Variants in EEA1 observed in about 807,000 individuals in gnomAD.
EEA1 encodes the protein early endosome antigen 1, 162kD.
In EEA1, 111 loss-of-function variants were observed where a neutral mutation model predicts 209.2. The observed-to-expected ratio is 0.53, with a 90% CI of 0.45 to 0.62. The LOEUF (loss-of-function observed/expected upper bound fraction) is 0.62. Among genes scored for constraint, EEA1 ranks in the 20% least tolerant of loss-of-function variants. EEA1 has a pLI of 0.00. For synonymous variants in EEA1, 536 were observed against 540.6 expected, an observed-to-expected ratio of 0.99 and a Z score of 0.12; for missense variants, 1,343 against 1,530.8, an observed-to-expected ratio of 0.88 and a Z score of 2.05.
chr12:92,849,094 T>C (rs1053850292), intron 9 of EEA1, among the ~76,000 whole-genome samples: 10 of 152,224 alleles, frequency 6.6e-5, no homozygotes, highest in African/African-American at 2.4e-4. Flanking sequence ...TTAAAAAGTA[T>C]ATGCATAACT....
At chr12:92,883,729 C>A in intron 2 of EEA1, 1 of 1,101,884 alleles carries the variant, frequency 9.1e-7, no homozygotes, top group Non-Finnish European at 1.4e-6. Flanking sequence ...TGCCCGCGGA[C>A]GCCACTGAAG....
intron 17 of EEA1, among the ~76,000 whole-genome samples, chr12:92,809,932 CT>C (rs1440064253): frequency 1.3e-5 from 2 of 152,052 alleles, no homozygotes. Context: ...TCATTAACAC[CT>C]ATTGATCCTA....
In EEA1 at chr12:92,856,737, T is replaced by TA. The variant is rs796720046; in HGVS notation, c.366+537dup. On this transcript the variant is annotated intron_variant, in intron 5 of 28. Coordinates refer to ENST00000322349, the MANE Select transcript of EEA1 (RefSeq NM_003566.4). ...AACATTAGGATAATACAGCCTGGTA[T>TA]AAAAAAAAACAACATATAGATACCT... Among the ~76,000 whole-genome samples the TA allele has an allele frequency of 9.3e-3, 1,274 of 136,824 alleles. 27 individuals are homozygous for TA. Among genetic ancestry groups the TA allele is most frequent in the African/African-American group, 0.031 (1,144 of 37,308 alleles). 89.8% of individuals were successfully genotyped at this position (136,824 alleles called of 152,430 possible). A position where few individuals can be genotyped will look rare whatever the true frequency, so the allele number is the denominator to read the frequency against.
intron 21 of EEA1, among the ~76,000 whole-genome samples, chr12:92,788,392 G>A (rs1201068437): frequency 6.6e-6 from 1 of 151,406 alleles, no homozygotes; most frequent in African/African-American, 2.4e-5. Flanking sequence ...AATTTAAGGT[G>A]GAACTAAGGG....
In EEA1 at chr12:92,781,964, T is replaced by G; in HGVS notation, c.3322A>C (p.Ile1108Leu). The G allele has an allele frequency of 6.2e-7, 1 of 1,605,898 alleles. No homozygotes were observed. Among genetic ancestry groups the G allele is most frequent in the Non-Finnish European group, 8.5e-7 (1 of 1,175,504 alleles). Residue 1108 changes from isoleucine (I) to leucine (L), a missense_variant, in exon 23 of 29, where the codon ATT (isoleucine) becomes CTT (leucine). By Grantham distance (5) the Ile-to-Leu change is conservative (BLOSUM62 2). This residue lies in a region of EEA1 where 1,307 missense variants were observed against 1,465.5 expected (regional missense o/e 0.89). Transcript: ENST00000322349. ...LQERCKALQDIQKEKSLKEKE... is the reference protein window; with the variant it reads ...LQERCKALQDLQKEKSLKEKE... Reference sequence around the variant, plus strand: ...ACATGCAATACCTTTTCTTTCTGAATGTCTTGTAGTGCTTTACATCGCTCC... The same window carrying G: ...ACATGCAATACCTTTTCTTTCTGAAGGTCTTGTAGTGCTTTACATCGCTCC...
chr12:92,816,437 A>C, intron 14 of EEA1, 37 bp from the exon 15 acceptor site: 1 of 1,574,202 alleles, frequency 6.4e-7, no homozygotes, highest in Non-Finnish European at 8.7e-7. Flanking sequence ...AAGTTCACAA[A>C]TGACATAACA....
intron 9 of EEA1, among the ~76,000 whole-genome samples, chr12:92,847,101 C>A (rs572011085): frequency 6.6e-6 from 1 of 151,922 alleles, no homozygotes; most frequent in African/African-American, 2.4e-5. Flanking sequence ...TACAGGCATG[C>A]GCCACCACAC....
chr12:92,916,561 A>G (rs1447905269), intron 1 of EEA1, among the ~76,000 whole-genome samples: 18 of 142,064 alleles, frequency 1.3e-4, no homozygotes, highest in South Asian at 2.2e-4. Context: ...GCTGAGGCAG[A>G]ATAATCGCTT....
chr12:92,772,376 G>T lies in EEA1; in HGVS notation c.*3635C>A, dbSNP rs1044152576. On this transcript the variant is annotated 3_prime_UTR_variant, in exon 29 of 29. Transcript: ENST00000322349. ...AGGAATTTAATTACTATTCGAAATT[G>T]AACAACATTAAAACACCACTGTCTA... The T allele has an allele frequency of 2.0e-5, 3 of 151,584 alleles. No individual in the cohort carries two copies. Among genetic ancestry groups the T allele is most frequent in the Non-Finnish European group, 4.4e-5 (3 of 67,756 alleles). The allele number at this position is 151,584 out of a possible 1,614,324, so 9.4% of individuals were successfully genotyped here.
At chr12:92,884,585 G>A in intron 2 of EEA1, 2 of 1,468,736 alleles carry the variant, frequency 1.4e-6, no homozygotes, top group South Asian at 1.1e-5. Flanking sequence ...AGGAAACTTT[G>A]GAGGCAGAAG....
At chr12:92,856,489 A>C (rs1398101559) in intron 5 of EEA1, among the ~76,000 whole-genome samples, 1 of 152,100 alleles carries the variant, frequency 6.6e-6, no homozygotes, top group African/African-American at 2.4e-5. Flanking sequence ...ACAAATACAC[A>C]TTTTTTAGTT....
intron 1 of EEA1, among the ~76,000 whole-genome samples, chr12:92,922,985 A>G (rs1218876522): frequency 6.6e-6 from 1 of 151,664 alleles, no homozygotes; most frequent in Non-Finnish European, 1.5e-5. Context: ...AAAATAAAAT[A>G]AAATAAAATA....
chr12:92,922,288 C>T (rs1483769907), intron 1 of EEA1, among the ~76,000 whole-genome samples: 1 of 152,290 alleles, frequency 6.6e-6, no homozygotes, highest in African/African-American at 2.4e-5. Context: ...TTCCACCACC[C>T]TCACAGCTAC....
chr12:92,772,109 C>T lies in EEA1; in HGVS notation c.*3902G>A, dbSNP rs1485036200. The T allele has an allele frequency of 6.6e-6, 1 of 151,488 alleles. No individual in the cohort carries two copies. The highest frequency in any genetic ancestry group is 1.5e-5 in the Non-Finnish European group (1 of 67,770). The allele number at this position is 151,488 out of a possible 1,614,324, so 9.4% of individuals were successfully genotyped here. Reference sequence around the variant, plus strand: ...CCCAGGAAGAAAAAATAGCAAAAAACAATGGCACATTGGGCCTTCCAAAAA... The same window carrying T: ...CCCAGGAAGAAAAAATAGCAAAAAATAATGGCACATTGGGCCTTCCAAAAA... On this transcript the variant is annotated 3_prime_UTR_variant, in exon 29 of 29. Coordinates refer to ENST00000322349, the MANE Select transcript of EEA1 (RefSeq NM_003566.4).
rs191058905 is a variant in EEA1 at position 92,821,555 on chromosome 12, C to T, written c.1525-2044G>A. 6.6e-5 allele frequency among the ~76,000 whole-genome samples: 10 copies of T among 152,246 alleles called. No individual in the cohort carries two copies. In the East Asian group the frequency reaches 1.2e-3, roughly 18 times the overall value. ...AAAATCACAAAGCTCCATAGATCGA[C>T]GCTACTACAAATTTCTGGTTCCGGT... On this transcript the variant is annotated intron_variant, in intron 13 of 28. Transcript: ENST00000322349.
At chr12:92,798,348 A>T (rs59199058) in intron 21 of EEA1, among the ~76,000 whole-genome samples, 46,173 of 149,620 alleles carry the variant, frequency 0.31, 7,633 homozygotes, top group African/African-American at 0.37. Flanking sequence ...TATTATTATT[A>T]TTATTTTTTT....
At chr12:92,891,873 AC>A (rs1400371560) in intron 1 of EEA1, 152 bp from the exon 2 acceptor site, 7 of 542,574 alleles carry the variant, frequency 1.3e-5, no homozygotes, top group Non-Finnish European at 2.2e-5. Context: ...GGAAGAGTGT[AC>A]CTAATGCTGT....
At chr12:92,855,286 G>A (rs1209513353) in intron 5 of EEA1, among the ~76,000 whole-genome samples, 1 of 152,310 alleles carries the variant, frequency 6.6e-6, no homozygotes, top group East Asian at 1.9e-4. Flanking sequence ...AAAATTAGCC[G>A]GCCTGATGGC....
chr12:92,926,852 CCA>C (rs1276000943), intron 1 of EEA1, among the ~76,000 whole-genome samples: 1 of 152,130 alleles, frequency 6.6e-6, no homozygotes, highest in Non-Finnish European at 1.5e-5. Flanking sequence ...CCCTCACCTC[CCA>C]CAGAGTGCCT....
Sources: allele counts gnomAD v4.1 joint callset (sites outside exome capture counted in the v4.1 genomes callset), GRCh38; gene constraint gnomAD v4.1.1; regional missense constraint gnomAD v4.1.1; transcripts MANE v1.5; gene names NCBI Gene and HGNC (gene_info 2026-07-23, HGNC 2026-07-21).